The following NCK2 variants were observed in gnomAD, a reference collection of about 807,000 sequenced individuals.
The protein encoded by NCK2 is cytoplasmic protein NCK2.
Under a neutral mutation model 33.9 loss-of-function variants are expected in NCK2, and 16 were observed. The observed-to-expected ratio is 0.47, with a 90% CI of 0.32 to 0.72. The LOEUF (loss-of-function observed/expected upper bound fraction) is 0.72. Among genes scored for constraint, NCK2 ranks in the 30% least tolerant of loss-of-function variants. The pLI is 0.03. For synonymous variants in NCK2, 273 were observed against 239.9 expected (o/e 1.14, Z -1.27); for missense variants, 418 against 537.3 (o/e 0.78, Z 2.19).
intron 1 of NCK2, among the ~76,000 whole-genome samples, chr2:105,750,334 A>G (rs1187204484): frequency 6.6e-6 from 1 of 152,054 alleles, no homozygotes; most frequent in Non-Finnish European, 1.5e-5. Context: ...AACCTTATTT[A>G]TGACCTTTTT....
At chr2:105,810,557 C>T (rs1675256191) in intron 1 of NCK2, among the ~76,000 whole-genome samples, 1 of 152,166 alleles carries the variant, frequency 6.6e-6, no homozygotes, top group Admixed American at 6.5e-5. Flanking sequence ...GAATCCTGTG[C>T]ATGCTTAATA....
intron 3 of NCK2, among the ~76,000 whole-genome samples, chr2:105,862,941 C>T (rs988622911): frequency 1.3e-5 from 2 of 151,734 alleles, no homozygotes; most frequent in Non-Finnish European, 3.0e-5. Context: ...CTAAGTTTGG[C>T]ATAAGCCTTT....
intron 2 of NCK2, among the ~76,000 whole-genome samples, chr2:105,852,697 C>G (rs905203545): frequency 5.9e-5 from 9 of 152,172 alleles, no homozygotes; most frequent in African/African-American, 2.2e-4. Context: ...GGAATATTCT[C>G]TGAATATTCC....
chr2:105,806,268 C>T (rs1245717532), intron 1 of NCK2, among the ~76,000 whole-genome samples: 1 of 137,812 alleles, frequency 7.3e-6, no homozygotes, highest in Non-Finnish European at 1.5e-5. Context: ...GACAGAGTCT[C>T]ACTCTGTCGC....
chr2:105,804,481 A>T (rs968299906), intron 1 of NCK2, among the ~76,000 whole-genome samples: 5 of 152,200 alleles, frequency 3.3e-5, no homozygotes, highest in African/African-American at 1.2e-4. Context: ...ATTTATGATG[A>T]TTTCCACTTT....
At chr2:105,762,406 G>A (rs903954640) in intron 1 of NCK2, among the ~76,000 whole-genome samples, 1 of 152,066 alleles carries the variant, frequency 6.6e-6, no homozygotes, top group Non-Finnish European at 1.5e-5. Context: ...TTTGAAAGGG[G>A]TTCAGTCTGT....
Position 105,894,127 on chromosome 2 carries a change from T to A in NCK2, c.*951T>A, listed in dbSNP as rs1001607971. ...TGTTTATGAAGAAATTGCATTTTCT[T>A]TTTCCTTTACATTTGAACTTCTTTA... On this transcript the variant is annotated 3_prime_UTR_variant, in exon 5 of 5. Transcript: ENST00000233154. The A allele has an allele frequency of 1.3e-5, 2 of 152,634 alleles. No homozygotes were observed. The highest frequency in any genetic ancestry group is 2.9e-5 in the Non-Finnish European group (2 of 68,026). The allele number at this position is 152,634 out of a possible 1,614,324, so 9.5% of individuals were successfully genotyped here. A position where few individuals can be genotyped will look rare whatever the true frequency, so the allele number is the denominator to read the frequency against.
chr2:105,757,302 A>G (rs531787734), intron 1 of NCK2, among the ~76,000 whole-genome samples: 6 of 152,290 alleles, frequency 3.9e-5, no homozygotes, highest in Admixed American at 3.3e-4. Context: ...ACAACCTTTT[A>G]TAGCCCCAAC....
intron 1 of NCK2, among the ~76,000 whole-genome samples, chr2:105,800,915 G>A (rs1674806655): frequency 6.6e-6 from 1 of 152,192 alleles, no homozygotes; most frequent in Non-Finnish European, 1.5e-5. Context: ...CCAGGTGGTT[G>A]GCAGAAGCCC....
chr2:105,816,018 C>T (rs1209010316), intron 1 of NCK2, among the ~76,000 whole-genome samples: 1 of 152,032 alleles, frequency 6.6e-6, no homozygotes, highest in Non-Finnish European at 1.5e-5. Flanking sequence ...TGTGGTTGGC[C>T]CTCCCCAACC....
intron 3 of NCK2, among the ~76,000 whole-genome samples, chr2:105,876,315 C>T (rs531128101): frequency 1.3e-5 from 2 of 152,292 alleles, no homozygotes; most frequent in East Asian, 1.9e-4. Context: ...CACCATGCCT[C>T]GGTAAGGGCA....
chr2:105,785,296 C>T (rs948823415), intron 1 of NCK2, among the ~76,000 whole-genome samples: 8 of 152,090 alleles, frequency 5.3e-5, no homozygotes, highest in South Asian at 4.1e-4. Flanking sequence ...CACTGGGAGC[C>T]GAGGTGGCCA....
intron 3 of NCK2, among the ~76,000 whole-genome samples, chr2:105,868,680 C>T (rs1451275840): frequency 6.6e-6 from 1 of 152,194 alleles, no homozygotes; most frequent in African/African-American, 2.4e-5. Flanking sequence ...TCCAAGAGGA[C>T]CACTTGATCC....
At chr2:105,828,629 C>G (rs1405044355) in intron 2 of NCK2, among the ~76,000 whole-genome samples, 1 of 152,236 alleles carries the variant, frequency 6.6e-6, no homozygotes, top group Non-Finnish European at 1.5e-5. Context: ...AATCTAGACA[C>G]ACAAGCACTA....
chr2:105,763,905 C>A (rs979513897), intron 1 of NCK2, among the ~76,000 whole-genome samples: 1 of 152,216 alleles, frequency 6.6e-6, no homozygotes, highest in Non-Finnish European at 1.5e-5. Context: ...AGTTCCCTTA[C>A]GATGATGGAC....
chr2:105,884,463 G>T (rs1423935604), intron 4 of NCK2, among the ~76,000 whole-genome samples: 1 of 152,026 alleles, frequency 6.6e-6, no homozygotes, highest in Non-Finnish European at 1.5e-5. Context: ...TTTTTTTCTT[G>T]CAGTCTTTGG....
At chr2:105,789,740 G>A (rs770154748) in intron 1 of NCK2, among the ~76,000 whole-genome samples, 5 of 152,154 alleles carry the variant, frequency 3.3e-5, no homozygotes, top group African/African-American at 1.2e-4. Flanking sequence ...GCTTGCTCCC[G>A]GTTAACGGGA....
In NCK2 at chr2:105,893,072, C is replaced by A; in HGVS notation, c.1039C>A (p.Arg347=). Residue 347 remains arginine (R), a synonymous_variant, in exon 5 of 5, where the codon CGG becomes AGG. Transcript: ENST00000233154. ...LVDNVYCIGQ[R]RFHTMDELVE... ...GGACAATGTCTACTGCATTGGGCAG[C>A]GGCGCTTCCACACCATGGACGAGCT... The A allele has an allele frequency of 6.2e-7, 1 of 1,614,100 alleles. No homozygotes were observed. Among genetic ancestry groups the A allele is most frequent in the Non-Finnish European group, 8.5e-7 (1 of 1,180,006 alleles).
At chr2:105,824,693 T>G (rs1675877049) in intron 2 of NCK2, among the ~76,000 whole-genome samples, 1 of 152,192 alleles carries the variant, frequency 6.6e-6, no homozygotes, top group Admixed American at 6.5e-5. Flanking sequence ...GTGGGTGTTG[T>G]GCTTTCATGG....
Sources: gnomAD v4.1 joint callset for allele counts (sites outside exome capture counted in the v4.1 genomes callset) on GRCh38, gnomAD v4.1.1 for gene constraint, MANE v1.5 for transcripts, NCBI Gene and HGNC (gene_info 2026-07-23, HGNC 2026-07-21) for gene names.